The following FHAD1 variants were observed in gnomAD, a reference collection of about 807,000 sequenced individuals.
FHAD1 encodes forkhead associated phosphopeptide binding domain 1, also known as forkhead-associated domain-containing protein 1.
Under a neutral mutation model 191.3 loss-of-function variants are expected in FHAD1, and 146 were observed. The observed-to-expected ratio is 0.76, with a 90% CI of 0.67 to 0.88. FHAD1 has a LOEUF of 0.88. Ranked by LOEUF, FHAD1 falls within the 40% of genes least tolerant of loss-of-function variation. FHAD1 has a pLI of 0.00. For synonymous variants in FHAD1, 616 were observed against 672.3 expected (o/e 0.92, Z 1.29); for missense variants, 1,635 against 1,785.8 (o/e 0.92, Z 1.52).
rs2101526081 is a variant in FHAD1 at position 15,318,576 on chromosome 1, G to A, written c.1365+648G>A. Reference sequence around the variant, plus strand: ...TTGAACCTGGGAGGTGGAGGTTGCAGCAAGCTGAGATCGTGCCACCGCACT... The same window carrying A: ...TTGAACCTGGGAGGTGGAGGTTGCAACAAGCTGAGATCGTGCCACCGCACT... On this transcript the variant is annotated intron_variant, in intron 10 of 33. Coordinates refer to ENST00000688493, the MANE Select transcript of FHAD1 (RefSeq NM_001391957.1). The surrounding 1 kb of genome is among the most constrained non-coding windows in gnomAD (Gnocchi z 4.1). 6.6e-6 allele frequency among the ~76,000 whole-genome samples: 1 copy of A among 152,200 alleles called. No individual in the cohort carries two copies. The highest frequency in any genetic ancestry group is 2.1e-4 in the South Asian group (1 of 4,822).
chr1:15,383,745 C>A, intron 31 of FHAD1: 1 of 308,812 alleles, frequency 3.2e-6, no homozygotes, highest in Non-Finnish European at 6.6e-6. Context: ...GCTTTGCAGC[C>A]GTGATAGGGC....
chr1:15,376,644 T>C (rs1367527419), intron 28 of FHAD1, among the ~76,000 whole-genome samples: 1 of 152,052 alleles, frequency 6.6e-6, no homozygotes, highest in Non-Finnish European at 1.5e-5. Flanking sequence ...AGCTGTAAAA[T>C]GATGACAAAA....
At chr1:15,339,701 A>G in intron 15 of FHAD1, 150 bp downstream of exon 15, 1 of 337,258 alleles carries the variant, frequency 3.0e-6, no homozygotes, top group Non-Finnish European at 5.6e-6. Flanking sequence ...ATTTGCACAC[A>G]AAGAGGTACA....
Position 15,289,464 on chromosome 1 carries a change from G to A in FHAD1, c.366G>A (p.Gln122=). ...GGCCACAGCCACCTCGTGCCACACA[G>A]CAGCCAAACCAGGCCCCCCCACCAT... ...WPGPQPPRAT[Q]QPNQAPPPSH... Residue 122 remains glutamine (Q), a synonymous_variant, in exon 4 of 34, where the codon CAG becomes CAA. Transcript: ENST00000688493. The surrounding 1 kb of genome is among the most constrained non-coding windows in gnomAD (Gnocchi z 4.2). The A allele has an allele frequency of 6.4e-7, 1 of 1,551,808 alleles. No individual in the cohort carries two copies. The highest frequency in any genetic ancestry group is 1.7e-4 in the Middle Eastern group (1 of 5,992).
At chr1:15,398,599 C>G (rs902859527), downstream of FHAD1, among the ~76,000 whole-genome samples, 5 of 152,100 alleles carry the variant, frequency 3.3e-5, no homozygotes, top group African/African-American at 1.2e-4. Context: ...GTTACAGTCC[C>G]AGGCCACAAG....
intron 18 of FHAD1, 76 bp downstream of exon 18, chr1:15,345,599 T>G (rs1157721808): frequency 8.6e-7 from 1 of 1,157,268 alleles, no homozygotes. Flanking sequence ...AGAGCGGCGA[T>G]GATGGGGGTG....
At position 15,316,572 on chromosome 1, in the gene FHAD1, C is replaced by T. The variant is rs1674533105; in HGVS notation, c.1260+105C>T. On this transcript the variant is annotated intron_variant, in intron 9 of 33. Coordinates refer to ENST00000688493, the MANE Select transcript of FHAD1 (RefSeq NM_001391957.1). The surrounding 1 kb of genome is among the most constrained non-coding windows in gnomAD (Gnocchi z 4.3). ...CATCACTAAGCATGAAGCTCTGGGG[C>T]TCTGTGCTTGCTTGTTTAACATAGT... The T allele has an allele frequency of 2.2e-6, 2 of 915,880 alleles. No homozygotes were observed. 56.7% of individuals were successfully genotyped at this position (915,880 alleles called of 1,614,324 possible).
Position 15,311,760 on chromosome 1 carries a change from G to A in FHAD1, c.1040-1297G>A, listed in dbSNP as rs571776199. ...ACCCTTCTTCTCACTTTTTCTCAAT[G>A]TGATAATACAATAATATATTGACTA... On this transcript the variant is annotated intron_variant, in intron 7 of 33. Transcript: ENST00000688493. This position sits in a 1 kb window ranked among gnomAD's most constrained non-coding sequence, Gnocchi z 4.1. Among the ~76,000 whole-genome samples the A allele has an allele frequency of 6.6e-6, 1 of 152,232 alleles. No homozygotes were observed. Among genetic ancestry groups the A allele is most frequent in the African/African-American group, 2.4e-5 (1 of 41,556 alleles).
chr1:15,267,441 G>T (rs1654005408), intron 2 of FHAD1, among the ~76,000 whole-genome samples: 1 of 152,136 alleles, frequency 6.6e-6, no homozygotes, highest in Admixed American at 6.5e-5. Context: ...TATCTTGATT[G>T]GGTATTCAGG....
At chr1:15,263,609 C>T (rs2101033807) in intron 2 of FHAD1, among the ~76,000 whole-genome samples, 1 of 151,122 alleles carries the variant, frequency 6.6e-6, no homozygotes, top group South Asian at 2.1e-4. Flanking sequence ...GCAAGCTCCG[C>T]CTCACGGGTT....
chr1:15,292,024 T>C (rs1343350285), intron 4 of FHAD1, among the ~76,000 whole-genome samples: 1 of 152,236 alleles, frequency 6.6e-6, no homozygotes, highest in African/African-American at 2.4e-5. Flanking sequence ...GTTACATAGA[T>C]AAGCTCTGTT....
intron 19 of FHAD1, among the ~76,000 whole-genome samples, chr1:15,352,508 CA>C (rs1337416867): frequency 9.2e-5 from 14 of 152,292 alleles, no homozygotes; most frequent in African/African-American, 3.4e-4. Flanking sequence ...CCCCACCTCC[CA>C]AAGGGCCAAG....
At chr1:15,264,037 T>C (rs1034560787) in intron 2 of FHAD1, among the ~76,000 whole-genome samples, 2 of 152,234 alleles carry the variant, frequency 1.3e-5, no homozygotes, top group Non-Finnish European at 2.9e-5. Flanking sequence ...ACCCTATCTT[T>C]TTAATAACTT....
chr1:15,246,497 G>A (rs1385295857), upstream of FHAD1, among the ~76,000 whole-genome samples: 1 of 152,156 alleles, frequency 6.6e-6, no homozygotes, highest in Admixed American at 6.5e-5. Context: ...GCGGGAGATA[G>A]GATTTGCACA....
intron 23 of FHAD1, 71 bp downstream of exon 23, chr1:15,362,797 C>T: frequency 8.5e-7 from 1 of 1,169,726 alleles, no homozygotes. Flanking sequence ...AAACAGGCAA[C>T]CAGCCCCTAC....
intron 31 of FHAD1, chr1:15,383,319 G>A (rs1701345380): frequency 4.4e-6 from 2 of 449,680 alleles, no homozygotes; most frequent in Admixed American, 4.7e-5. Context: ...ACCTGCCCAG[G>A]GCCTGGCACC....
intron 28 of FHAD1, among the ~76,000 whole-genome samples, chr1:15,379,682 C>T (rs528119031): frequency 3.3e-5 from 5 of 152,186 alleles, no homozygotes; most frequent in South Asian, 2.1e-4. Context: ...GAGGTCCATG[C>T]GGCTTCCGCA....
chr1:15,374,855 T>G (rs865844488), intron 27 of FHAD1, among the ~76,000 whole-genome samples: 3 of 111,928 alleles, frequency 2.7e-5, no homozygotes, highest in African/African-American at 1.6e-4. Flanking sequence ...TACGTTTTTT[T>G]TTTTGTTTGT....
At chr1:15,249,788 C>T (rs930124265) in intron 1 of FHAD1, among the ~76,000 whole-genome samples, 2 of 152,102 alleles carry the variant, frequency 1.3e-5, no homozygotes, top group Non-Finnish European at 2.9e-5. Context: ...CTCAGTCACT[C>T]TCTCTGCTCC....
Sources: gnomAD v4.1 joint callset for allele counts (sites outside exome capture counted in the v4.1 genomes callset) on GRCh38, gnomAD v4.1.1 for gene constraint, Gnocchi (gnomAD v3.1) non-coding constraint, MANE v1.5 for transcripts, NCBI Gene and HGNC (gene_info 2026-07-23, HGNC 2026-07-21) for gene names.